Variants in OGDH observed in about 807,000 individuals in gnomAD.
OGDH encodes 2-oxoglutarate dehydrogenase complex component E1.
OGDH carries 38 observed loss-of-function variants against 116.6 expected under a neutral mutation model. The ratio of observed to expected loss-of-function variants is 0.33; its 90% CI spans 0.25 to 0.43. The LOEUF is 0.43. OGDH is among the 20% of genes least tolerant of loss of function. The pLI is 1.00. For missense variants in OGDH, 825 were observed against 1,357.2 expected (o/e 0.61, Z 6.16); for synonymous variants, 488 against 533.3 (o/e 0.92, Z 1.17).
At chr7:44,611,152 C>T (rs1406534721) in intron 1 of OGDH, among the ~76,000 whole-genome samples, 3 of 151,178 alleles carry the variant, frequency 2.0e-5, no homozygotes, top group Admixed American at 6.6e-5. Context: ...CACAGCTCAC[C>T]GCAGCCTCAA....
intron 5 of OGDH, 50 bp from the exon 6 acceptor site, chr7:44,673,737 G>C (rs761659408): frequency 3.1e-6 from 5 of 1,599,252 alleles, no homozygotes; most frequent in Non-Finnish European, 4.3e-6. Flanking sequence ...TCTTCATTCA[G>C]CCAGGCCTGG....
At chr7:44,627,619 C>G (rs115355038) in intron 2 of OGDH, among the ~76,000 whole-genome samples, 1,611 of 152,264 alleles carry the variant, frequency 0.011, 28 homozygotes, top group African/African-American at 0.037. Flanking sequence ...GGAACAAACT[C>G]AGCATCTTCC....
chr7:44,617,880 C>G (rs1170552727), intron 1 of OGDH, among the ~76,000 whole-genome samples: 3 of 152,080 alleles, frequency 2.0e-5, no homozygotes, highest in Admixed American at 2.0e-4. Context: ...TTTAATCACC[C>G]CCCTACCTAG....
In OGDH at chr7:44,620,754, A is replaced by AT. The variant is rs36093066; in HGVS notation, c.-27-3550dup. On this transcript the variant is annotated intron_variant, in intron 1 of 22. Coordinates refer to ENST00000222673, the MANE Select transcript of OGDH (RefSeq NM_002541.4). ...TAAAACATTATGAGATGTTTTTGCG[A>AT]TTTTTTTTTTTTTAAAGCTCATCAG... Among the ~76,000 whole-genome samples, 717 of 149,650 alleles carry AT rather than the reference A, an allele frequency of 4.8e-3. 3 individuals are homozygous for AT. Among genetic ancestry groups the AT allele is most frequent in the African/African-American group, 0.016 (642 of 40,890 alleles).
chr7:44,690,839 T>A (rs1002246635), intron 10 of OGDH, among the ~76,000 whole-genome samples: 1 of 152,214 alleles, frequency 6.6e-6, no homozygotes. Context: ...TGCAGGCCCT[T>A]CTTTACATGC....
chr7:44,635,241 G>C (rs1487187285), intron 2 of OGDH, among the ~76,000 whole-genome samples: 1 of 152,198 alleles, frequency 6.6e-6, no homozygotes, highest in African/African-American at 2.4e-5. Context: ...TGAGCTGAAA[G>C]AAGAGCCATA....
At chr7:44,611,602 G>T (rs1784570424) in intron 1 of OGDH, among the ~76,000 whole-genome samples, 1 of 151,830 alleles carries the variant, frequency 6.6e-6, no homozygotes, top group Non-Finnish European at 1.5e-5. Flanking sequence ...TGTAGGGACG[G>T]GTTTTGCCAT....
At chr7:44,684,828 C>T (rs1788064025) in intron 10 of OGDH, among the ~76,000 whole-genome samples, 1 of 151,834 alleles carries the variant, frequency 6.6e-6, no homozygotes, top group African/African-American at 2.4e-5. Flanking sequence ...CTTGCTCTGT[C>T]ACCCAGGCTG....
At chr7:44,610,848 C>T (rs1203511155) in intron 1 of OGDH, among the ~76,000 whole-genome samples, 3 of 148,200 alleles carry the variant, frequency 2.0e-5, no homozygotes, top group East Asian at 2.0e-4. Context: ...ACCTCGTGAT[C>T]GACACCCCCT....
intron 1 of OGDH, 113 bp downstream of exon 1, chr7:44,606,766 G>A (rs1204977346): frequency 6.6e-6 from 1 of 152,470 alleles, no homozygotes; most frequent in African/African-American, 2.4e-5. Context: ...GGTGCTGCGG[G>A]CGCCGCGGTG....
intron 18 of OGDH, among the ~76,000 whole-genome samples, chr7:44,699,677 A>T (rs1019532327): frequency 1.4e-4 from 21 of 152,188 alleles, no homozygotes; most frequent in African/African-American, 5.1e-4. Flanking sequence ...GTGTTAGGCC[A>T]TTCTTGTGTT....
intron 18 of OGDH, 94 bp downstream of exon 18, chr7:44,698,357 A>G: frequency 6.2e-6 from 8 of 1,299,470 alleles, no homozygotes; most frequent in Non-Finnish European, 8.8e-6. Flanking sequence ...CTGAAGTGGC[A>G]GACCGTGCCT....
intron 4 of OGDH, among the ~76,000 whole-genome samples, chr7:44,665,162 G>T (rs891875128): frequency 1.3e-5 from 2 of 151,936 alleles, no homozygotes; most frequent in African/African-American, 4.8e-5. Flanking sequence ...GCCATAAATG[G>T]CAAGAGCCAC....
intron 4 of OGDH, chr7:44,656,173 T>A: frequency 1.4e-6 from 1 of 693,080 alleles, no homozygotes; most frequent in South Asian, 1.8e-5. Flanking sequence ...TCCCTTGATG[T>A]GTGTGTGTGT....
At position 44,694,887 on chromosome 7, in the gene OGDH, G is replaced by A. The variant is rs566594036; in HGVS notation, c.1668+311G>A. On this transcript the variant is annotated intron_variant, in intron 12 of 22. Transcript: ENST00000222673. This position sits in a 1 kb window ranked among gnomAD's most constrained non-coding sequence, Gnocchi z 4.2. Reference sequence around the variant, plus strand: ...TGTGCATGGTTGAGAGGTGGGTGGTGGATCCAGCTTGGTAAGGGGCCTGTT... The same window carrying A: ...TGTGCATGGTTGAGAGGTGGGTGGTAGATCCAGCTTGGTAAGGGGCCTGTT... 9.9e-5 allele frequency among the ~76,000 whole-genome samples: 15 copies of A among 152,282 alleles called. No homozygotes were observed. Among genetic ancestry groups the A allele is most frequent in the Middle Eastern group, 3.4e-3 (1 of 294 alleles).
Position 44,697,585 on chromosome 7 carries a change from C to T in OGDH, c.2180-19C>T, listed in dbSNP as rs1788643419. 1.2e-6 allele frequency: 2 copies of T among 1,614,134 alleles called. No individual in the cohort carries two copies. Among genetic ancestry groups the T allele is most frequent in the Non-Finnish European group, 1.7e-6 (2 of 1,179,980 alleles). ...CTGGTGTCCTGGACATGGTTTTCTC[C>T]TTCCTTTGTCCCTTGTAGGCTTTGA... On this transcript the variant is annotated intron_variant, in intron 16 of 22. Coordinates refer to ENST00000222673, the MANE Select transcript of OGDH (RefSeq NM_002541.4). The surrounding 1 kb of genome is among the most constrained non-coding windows in gnomAD (Gnocchi z 6.0).
At chr7:44,622,778 A>T (rs1436735307) in intron 1 of OGDH, 1 of 152,242 alleles carries the variant, frequency 6.6e-6, no homozygotes, top group East Asian at 1.9e-4. Context: ...GCAACCATGT[A>T]GGCCAGCAAG....
At chr7:44,652,385 C>T (rs1238731816) in intron 4 of OGDH, among the ~76,000 whole-genome samples, 1 of 152,108 alleles carries the variant, frequency 6.6e-6, no homozygotes, top group East Asian at 1.9e-4. Context: ...GCTGGGATTA[C>T]ATGTGTGAGC....
intron 1 of OGDH, among the ~76,000 whole-genome samples, chr7:44,607,689 T>C (rs971792781): frequency 6.6e-6 from 1 of 152,154 alleles, no homozygotes; most frequent in Non-Finnish European, 1.5e-5. Flanking sequence ...TAAAGATCAC[T>C]GTATGCTCAT....
Sources: allele counts gnomAD v4.1 joint callset (sites outside exome capture counted in the v4.1 genomes callset), GRCh38; gene constraint gnomAD v4.1.1; non-coding constraint Gnocchi (gnomAD v3.1); transcripts MANE v1.5; gene names NCBI Gene and HGNC (gene_info 2026-07-23, HGNC 2026-07-21).